TMEM14B: variants seen among roughly 807,000 people sequenced by gnomAD.
The protein encoded by TMEM14B is transmembrane protein 14B.
A neutral mutation model predicts 14.8 loss-of-function variants in TMEM14B; 9 were observed. That is an observed-to-expected ratio of 0.61 (90% CI 0.37 to 1.06). TMEM14B has a LOEUF of 1.06. TMEM14B is among the 50% of genes least tolerant of loss of function. TMEM14B has a pLI of 0.01. For missense variants in TMEM14B, 128 were observed against 143.6 expected, an observed-to-expected ratio of 0.89 and a Z score of 0.56; for synonymous variants, 40 against 51.3, an observed-to-expected ratio of 0.78 and a Z score of 0.94.
intron 5 of TMEM14B, among the ~76,000 whole-genome samples, chr6:10,756,124 G>A (rs533157748): frequency 6.6e-6 from 1 of 152,180 alleles, no homozygotes; most frequent in Non-Finnish European, 1.5e-5. Context: ...ATGGAGCAAG[G>A]TCTAGAACAG....
intron 4 of TMEM14B, among the ~76,000 whole-genome samples, chr6:10,753,794 T>C (rs1771688477): frequency 6.6e-6 from 1 of 151,146 alleles, no homozygotes; most frequent in African/African-American, 2.5e-5. Flanking sequence ...GCAGGTCTTG[T>C]CGACACTACC....
chr6:10,748,282 G>A (rs1034345012), intron 1 of TMEM14B, among the ~76,000 whole-genome samples: 3 of 152,080 alleles, frequency 2.0e-5, no homozygotes, highest in African/African-American at 7.2e-5. Flanking sequence ...TTCTCGCTGT[G>A]TCGCCCAGCC....
intron 3 of TMEM14B, 65 bp from the exon 4 acceptor site, chr6:10,751,068 G>T: frequency 6.3e-7 from 1 of 1,596,318 alleles, no homozygotes; most frequent in African/African-American, 1.3e-5. Context: ...CAGGAGGTCT[G>T]GTGGATTCCG....
chr6:10,750,173 A>AT lies in TMEM14B; in HGVS notation c.100+485dup, dbSNP rs200690813. Reference sequence around the variant, plus strand: ...AGACTTCTTATTCTCCTGATCTTCTATTTTTTTTTTAACTGCCTGGCCCTA... The same window carrying AT: ...AGACTTCTTATTCTCCTGATCTTCTATTTTTTTTTTTAACTGCCTGGCCCTA... On this transcript the variant is annotated intron_variant, in intron 3 of 5. Transcript: ENST00000379542. 1,263 of 158,756 alleles carry AT rather than the reference A, an allele frequency of 8.0e-3. 24 individuals are homozygous for AT. The highest frequency in any genetic ancestry group is 0.033 in the Admixed American group (551 of 16,532). 9.8% of individuals were successfully genotyped at this position (158,756 alleles called of 1,614,324 possible).
intron 4 of TMEM14B, among the ~76,000 whole-genome samples, chr6:10,754,326 TTC>T (rs1424719639): frequency 3.3e-5 from 5 of 152,228 alleles, no homozygotes; most frequent in African/African-American, 1.2e-4. Flanking sequence ...TAGTATGGCC[TTC>T]AAGGCTCTAT....
chr6:10,749,593 C>T (rs1771468468), intron 2 of TMEM14B, 29 bp from the exon 3 acceptor site: 1 of 1,612,898 alleles, frequency 6.2e-7, no homozygotes, highest in Non-Finnish European at 8.5e-7. Context: ...TTAGCACTGA[C>T]TTCTCACTGA....
intron 4 of TMEM14B, among the ~76,000 whole-genome samples, chr6:10,753,871 C>T (rs997627710): frequency 8.6e-5 from 13 of 151,262 alleles, no homozygotes; most frequent in Non-Finnish European, 1.3e-4. Context: ...CCAGTTATCC[C>T]CTCTTTCTTA....
chr6:10,759,756 C>CTG (rs556404295), downstream of TMEM14B: 111 of 152,292 alleles, frequency 7.3e-4, no homozygotes, highest in African/African-American at 2.5e-3. Context: ...TCCAATAAAA[C>CTG]TATGTATGGG....
downstream of TMEM14B, among the ~76,000 whole-genome samples, chr6:10,758,483 C>CTGCT (rs1771877213): frequency 6.6e-6 from 1 of 152,206 alleles, no homozygotes; most frequent in South Asian, 2.1e-4. Flanking sequence ...GCCCTCATCC[C>CTGCT]TGCTTCTCTG....
At chr6:10,754,292 C>G (rs895500121) in intron 4 of TMEM14B, among the ~76,000 whole-genome samples, 2 of 152,144 alleles carry the variant, frequency 1.3e-5, no homozygotes, top group Non-Finnish European at 1.5e-5. Flanking sequence ...CTTCTCATTG[C>G]TCTTATGATG....
Position 10,751,131 on chromosome 6 carries a change from A to G in TMEM14B, c.101-2A>G, listed in dbSNP as rs143628480. ...ATGCAAGCTGCGTTTGCTTCCTTCTAGGCAGCGTGCCGTCCCTGGCTGCAG... is the reference window on the plus strand; with the variant it reads ...ATGCAAGCTGCGTTTGCTTCCTTCTGGGCAGCGTGCCGTCCCTGGCTGCAG... On this transcript the variant is annotated splice_acceptor_variant, in intron 3 of 5. Coordinates refer to ENST00000379542, the MANE Select transcript of TMEM14B (RefSeq NM_030969.5). LOFTEE classifies it high-confidence loss of function. The G allele has an allele frequency of 6.2e-7, 1 of 1,613,408 alleles. No individual in the cohort carries two copies. Among genetic ancestry groups the G allele is most frequent in the Non-Finnish European group, 8.5e-7 (1 of 1,179,964 alleles).
At chr6:10,749,592 A>C (rs1247025943) in intron 2 of TMEM14B, 30 bp from the exon 3 acceptor site, 1 of 1,612,844 alleles carries the variant, frequency 6.2e-7, no homozygotes, top group African/African-American at 1.3e-5. Flanking sequence ...GTTAGCACTG[A>C]CTTCTCACTG....
rs912735513 is a variant in TMEM14B, at chr6:10,756,564, C to T, written c.*46C>T. On this transcript the variant is annotated 3_prime_UTR_variant, in exon 6 of 6. Transcript: ENST00000379542. ...GGACTCATGAAGGATTAAAAATCTG[C>T]ATCTTCCACTATTTTCAATGTATTA... The T allele has an allele frequency of 2.5e-6, 4 of 1,595,430 alleles. No individual in the cohort carries two copies. In the South Asian group the frequency reaches 3.4e-5, roughly 14 times the overall value.
Position 10,755,145 on chromosome 6 carries a change from C to T in TMEM14B, c.206C>T (p.Ala69Val), listed in dbSNP as rs774237690. ...DPRNVWGFLA[A>V]TSVTFVGVMG... ...CCCTTCTTTGTATCTTTTTCAGCCG[C>T]TACATCTGTTACTTTTGTTGGTGTT... is the stretch of plus-strand genomic sequence containing the variant. The change falls in exon 5 of 6, where the codon GCT becomes GTT. Residue 69 changes from alanine to valine, a missense_variant. Transcript: ENST00000379542. The T allele has an allele frequency of 6.2e-7, 1 of 1,613,728 alleles. No individual in the cohort carries two copies. Among genetic ancestry groups the T allele is most frequent in the South Asian group, 1.1e-5 (1 of 91,060 alleles).
intron 4 of TMEM14B, among the ~76,000 whole-genome samples, chr6:10,752,020 G>A (rs1181832911): frequency 6.6e-6 from 1 of 152,060 alleles, no homozygotes. Context: ...GAAGCCGTGT[G>A]ATCTGTACAT....
chr6:10,758,901 A>G (rs1012499125), downstream of TMEM14B: 9 of 201,494 alleles, frequency 4.5e-5, no homozygotes, highest in Non-Finnish European at 8.1e-5. Flanking sequence ...TTCCTTAGAG[A>G]TCTAATTCTT....
At chr6:10,754,245 CT>C (rs1176242782) in intron 4 of TMEM14B, among the ~76,000 whole-genome samples, 1 of 152,172 alleles carries the variant, frequency 6.6e-6, no homozygotes, top group African/African-American at 2.4e-5. Flanking sequence ...TAATGCAACT[CT>C]TTTTATGCAT....
rs1312199479 is a variant in TMEM14B, at chr6:10,747,834, G to C, written c.-92G>C. On this transcript the variant is annotated 5_prime_UTR_variant, in exon 1 of 6. Coordinates refer to ENST00000379542, the MANE Select transcript of TMEM14B (RefSeq NM_030969.5). The stretch of plus-strand genomic sequence containing the variant: ...GCGTTTCCGGAGAGACCTGGCTGCT[G>C]TGTCCCGCGGCTTGCGCTCCGTAGT... 6.6e-6 allele frequency: 1 copy of C among 152,334 alleles called. No homozygotes were observed. Among genetic ancestry groups the C allele is most frequent in the Non-Finnish European group, 1.5e-5 (1 of 68,094 alleles). The allele number at this position is 152,334 out of a possible 1,614,324, so 9.4% of individuals were successfully genotyped here.
chr6:10,754,089 A>G (rs143512544), intron 4 of TMEM14B, among the ~76,000 whole-genome samples: 63 of 152,324 alleles, frequency 4.1e-4, no homozygotes, highest in African/African-American at 1.3e-3. Flanking sequence ...CCTGGGCAAC[A>G]TGGTGAAACC....
Sources: allele counts gnomAD v4.1 joint callset (sites outside exome capture counted in the v4.1 genomes callset), GRCh38; gene constraint gnomAD v4.1.1; transcripts MANE v1.5; gene names NCBI Gene and HGNC (gene_info 2026-07-23, HGNC 2026-07-21).